MAPK10: variants seen among roughly 807,000 people sequenced by gnomAD.
MAPK10 encodes the protein JNK3 alpha protein kinase.
Under a neutral mutation model 59.3 loss-of-function variants are expected in MAPK10, and 25 were observed. That is an observed-to-expected ratio of 0.42 (90% CI 0.31 to 0.59). The LOEUF (loss-of-function observed/expected upper bound fraction) is 0.59. MAPK10 is among the 20% of genes least tolerant of loss of function. The pLI, the probability that MAPK10 is intolerant of heterozygous loss-of-function variation, is 0.15. For missense variants in MAPK10, 351 were observed against 568.9 expected, an observed-to-expected ratio of 0.62 and a Z score of 3.90; for synonymous variants, 190 against 200.5, an observed-to-expected ratio of 0.95 and a Z score of 0.44.
At chr4:86,264,796 G>A (rs1032579313) in intron 2 of MAPK10, among the ~76,000 whole-genome samples, 1 of 151,190 alleles carries the variant, frequency 6.6e-6, no homozygotes, top group Non-Finnish European at 1.5e-5. Flanking sequence ...GACTAACCTT[G>A]CACCCATCTC....
intron 1 of MAPK10, among the ~76,000 whole-genome samples, chr4:86,390,864 G>A (rs967094003): frequency 2.0e-5 from 3 of 152,178 alleles, no homozygotes; most frequent in African/African-American, 7.2e-5. Context: ...TCTTGTCAAA[G>A]AAGCTATCAA....
rs780372603 is a variant in MAPK10 at position 86,016,837 on chromosome 4, G to GAC, written c.*389_*390dup. On this transcript the variant is annotated 3_prime_UTR_variant, in exon 14 of 14. Coordinates refer to ENST00000641462, the MANE Select transcript of MAPK10 (RefSeq NM_138982.4). Reference sequence around the variant, plus strand: ...AAGGAGCAGGTAGATGCAAGATAGAGACACACACATGCTGGATGGGGCCAC... The same window carrying GAC: ...AAGGAGCAGGTAGATGCAAGATAGAGACACACACACATGCTGGATGGGGCCAC... 9.9e-6 allele frequency: 2 copies of GAC among 201,616 alleles called. No individual in the cohort carries two copies. Among genetic ancestry groups the GAC allele is most frequent in the African/African-American group, 2.3e-5 (1 of 42,686 alleles). The allele number at this position is 201,616 out of a possible 1,614,324, so 12.5% of individuals were successfully genotyped here. A position where few individuals can be genotyped will look rare whatever the true frequency, so the allele number is the denominator to read the frequency against.
chr4:86,037,511 CTCCG>C (rs1332399603), intron 11 of MAPK10, among the ~76,000 whole-genome samples: 1 of 150,224 alleles, frequency 6.7e-6, no homozygotes, highest in East Asian at 1.9e-4. Flanking sequence ...CTGAGCGAGA[CTCCG>C]TCTAAAAAAA....
At chr4:86,194,698 C>T (rs1176416375) in intron 2 of MAPK10, among the ~76,000 whole-genome samples, 1 of 151,526 alleles carries the variant, frequency 6.6e-6, no homozygotes, top group Non-Finnish European at 1.5e-5. Context: ...TGTTATAAAG[C>T]ATTTTCAGTT....
At chr4:86,182,752 C>G (rs1381158845) in intron 3 of MAPK10, among the ~76,000 whole-genome samples, 1 of 152,050 alleles carries the variant, frequency 6.6e-6, no homozygotes, top group Non-Finnish European at 1.5e-5. Flanking sequence ...GAAAATTCTA[C>G]ATAGGAAGTA....
At chr4:86,263,366 G>T (rs548559247) in intron 2 of MAPK10, among the ~76,000 whole-genome samples, 1 of 152,034 alleles carries the variant, frequency 6.6e-6, no homozygotes. Context: ...GAGTCTACTT[G>T]GTTCAACCAC....
intron 2 of MAPK10, among the ~76,000 whole-genome samples, chr4:86,350,788 T>C (rs1730923920): frequency 6.6e-6 from 1 of 152,156 alleles, no homozygotes; most frequent in African/African-American, 2.4e-5. Flanking sequence ...GGTAGAATAA[T>C]GGACAAGAAG....
chr4:86,139,304 A>G (rs2063038401), intron 4 of MAPK10, among the ~76,000 whole-genome samples: 1 of 150,304 alleles, frequency 6.7e-6, no homozygotes, highest in Non-Finnish European at 1.5e-5. Context: ...TACAGTAACC[A>G]AAACAGCATG....
intron 4 of MAPK10, among the ~76,000 whole-genome samples, chr4:86,130,078 A>C (rs2060737071): frequency 6.6e-6 from 1 of 152,104 alleles, no homozygotes; most frequent in African/African-American, 2.4e-5. Flanking sequence ...CAAAAATAAT[A>C]TCTCTTTTTC....
intron 2 of MAPK10, among the ~76,000 whole-genome samples, chr4:86,290,630 CTT>C (rs1479455680): frequency 6.6e-6 from 1 of 152,096 alleles, no homozygotes; most frequent in Admixed American, 6.6e-5. Context: ...TTTTGGGTCT[CTT>C]TTATTTGTTG....
intron 11 of MAPK10, chr4:86,032,140 C>T (rs565270993): frequency 1.3e-5 from 2 of 152,188 alleles, no homozygotes; most frequent in African/African-American, 4.8e-5. Context: ...TGCAATAGGG[C>T]CTTCAGTCTG....
At chr4:86,250,523 A>T (rs1018081526) in intron 2 of MAPK10, among the ~76,000 whole-genome samples, 6 of 152,272 alleles carry the variant, frequency 3.9e-5, no homozygotes, top group Non-Finnish European at 7.4e-5. Context: ...AGAGTGAAAA[A>T]ATTTTAGAAG....
At chr4:86,301,493 T>G (rs1291481235) in intron 2 of MAPK10, among the ~76,000 whole-genome samples, 1 of 152,114 alleles carries the variant, frequency 6.6e-6, no homozygotes, top group Non-Finnish European at 1.5e-5. Flanking sequence ...CAGCCATACG[T>G]AACTGTCAAC....
chr4:86,418,046 C>G (rs901402304), intron 1 of MAPK10, among the ~76,000 whole-genome samples: 2 of 152,152 alleles, frequency 1.3e-5, no homozygotes, highest in African/African-American at 4.8e-5. Context: ...CCAAAAAACA[C>G]AGCAGCACCT....
intron 4 of MAPK10, among the ~76,000 whole-genome samples, chr4:86,151,713 G>A (rs1396362258): frequency 6.6e-6 from 1 of 152,168 alleles, no homozygotes; most frequent in Non-Finnish European, 1.5e-5. Flanking sequence ...ATAAAAAGAT[G>A]TAGGGAGGGA....
chr4:86,510,149 G>A (rs1006785740), intron 1 of MAPK10, among the ~76,000 whole-genome samples: 15 of 152,088 alleles, frequency 9.9e-5, no homozygotes, highest in African/African-American at 3.1e-4. Flanking sequence ...TTGAGGTGGG[G>A]TCTTGCTTTG....
At chr4:86,495,167 G>C (rs1754783877) in intron 1 of MAPK10, among the ~76,000 whole-genome samples, 1 of 152,152 alleles carries the variant, frequency 6.6e-6, no homozygotes, top group African/African-American at 2.4e-5. Flanking sequence ...CTTGGGTTGA[G>C]GATGTAGTCC....
intron 4 of MAPK10, among the ~76,000 whole-genome samples, chr4:86,134,448 A>G (rs1334767117): frequency 6.6e-6 from 1 of 152,194 alleles, no homozygotes. Flanking sequence ...AGATTTTGCA[A>G]AACTGCATTA....
intron 1 of MAPK10, among the ~76,000 whole-genome samples, chr4:86,421,918 TCACCAC>T (rs1292169962): frequency 6.6e-6 from 1 of 152,066 alleles, no homozygotes; most frequent in Non-Finnish European, 1.5e-5. Context: ...GCCACCACTG[TCACCAC>T]CACCACCACC....
Sources: gnomAD v4.1 joint callset for allele counts (sites outside exome capture counted in the v4.1 genomes callset) on GRCh38, gnomAD v4.1.1 for gene constraint, MANE v1.5 for transcripts, NCBI Gene and HGNC (gene_info 2026-07-23, HGNC 2026-07-21) for gene names.